The following ZNF48 variants were observed in gnomAD, a reference collection of about 807,000 sequenced individuals.
ZNF48 encodes zinc finger protein 553.
A neutral mutation model predicts 40.0 loss-of-function variants in ZNF48; 20 were observed. The observed-to-expected ratio is 0.50, with a 90% CI of 0.35 to 0.73. The LOEUF (loss-of-function observed/expected upper bound fraction) is 0.73. Among genes scored for constraint, ZNF48 ranks in the 30% least tolerant of loss-of-function variants. The pLI, the probability that ZNF48 is intolerant of heterozygous loss-of-function variation, is 0.01. For synonymous variants in ZNF48, 298 were observed against 329.7 expected, an observed-to-expected ratio of 0.90 and a Z score of 1.04; for missense variants, 726 against 851.9, an observed-to-expected ratio of 0.85 and a Z score of 1.84.
At chr16:30,393,128 G>A (rs2049954690), upstream of ZNF48, among the ~76,000 whole-genome samples, 2 of 151,826 alleles carry the variant, frequency 1.3e-5, no homozygotes, top group African/African-American at 2.4e-5. Flanking sequence ...CCAGGCTGGA[G>A]TGCAATGGCG....
intron 1 of ZNF48, chr16:30,378,462 G>A (rs2049782562): frequency 1.3e-6 from 2 of 1,576,100 alleles, no homozygotes; most frequent in Non-Finnish European, 1.7e-6. Context: ...CTCGCCCTGG[G>A]CCTGGCTCTG....
Position 30,395,858 on chromosome 16 carries a change from A to G in ZNF48, c.64A>G (p.Arg22Gly). The change falls in exon 2 of 3, where the codon AGA (arginine) becomes GGA (glycine). Residue 22 changes from arginine (R) to glycine (G), a missense_variant. By Grantham distance (125) the Arg-to-Gly change is moderately radical. Coordinates refer to ENST00000613509, the MANE Select transcript of ZNF48 (RefSeq NM_001214909.2). The surrounding 1 kb of genome is among the most constrained non-coding windows in gnomAD (Gnocchi z 5.9). ...CCGCCCGGAGGAGAGGGAGCCACAGAGAGGCGCCCGCACAGGTGAGGGCCT... is the reference window on the plus strand; with the variant it reads ...CCGCCCGGAGGAGAGGGAGCCACAGGGAGGCGCCCGCACAGGTGAGGGCCT... The part of the protein sequence containing the change: ...LHRPEEREPQ[R>G]GARTGLGSEN... 6.5e-7 allele frequency: 1 copy of G among 1,543,882 alleles called. No individual in the cohort carries two copies. The highest frequency in any genetic ancestry group is 8.7e-7 in the Non-Finnish European group (1 of 1,149,536).
At chr16:30,389,816 GTTTTTTTTTTTTTTTTTTTTT>G (rs56373430) in intron 1 of ZNF48, among the ~76,000 whole-genome samples, 19 of 22,502 alleles carry the variant, frequency 8.4e-4, no homozygotes, top group East Asian at 2.5e-3. Flanking sequence ...ATTTGGATTA[GTTTTTTTTTTTTTTTTTTTTT>G]TTTTTTTTTT....
chr16:30,381,464 C>T lies in ZNF48; in HGVS notation c.-16+3054C>T, dbSNP rs371180473. The T allele has an allele frequency of 6.8e-6, 11 of 1,613,998 alleles. No homozygotes were observed. Among genetic ancestry groups the T allele is most frequent in the East Asian group, 2.2e-5 (1 of 44,882 alleles). On this transcript the variant is annotated intron_variant, in intron 1 of 2. Coordinates refer to the ZNF48 transcript ENST00000528032. The surrounding 1 kb of genome is among the most constrained non-coding windows in gnomAD (Gnocchi z 4.3). The stretch of plus-strand genomic sequence containing the variant: ...ATTGCTCCTCGATGAATTTCACCAC[C>T]GGAAGCCAGCTGGGTGTGGGGAGAG...
intron 1 of ZNF48, chr16:30,380,052 A>G (rs538144519): frequency 1.3e-6 from 2 of 1,598,810 alleles, no homozygotes; most frequent in East Asian, 4.5e-5. Flanking sequence ...AAACAGATAT[A>G]GAGACAGTGT....
rs2049841362 is a variant in ZNF48 at position 30,381,136 on chromosome 16, G to C, written c.-16+2726G>C. 1 of 1,613,424 alleles carries C rather than the reference G, an allele frequency of 6.2e-7. No individual in the cohort carries two copies. Among genetic ancestry groups the C allele is most frequent in the African/African-American group, 1.3e-5 (1 of 75,012 alleles). On this transcript the variant is annotated intron_variant, in intron 1 of 2. Transcript: ENST00000528032. The surrounding 1 kb of genome is among the most constrained non-coding windows in gnomAD (Gnocchi z 4.3). ...AGGTCATCACTCACACCTTCTGCTT[G>C]AGGGCCTGGGTTTCCTGGGGCATCA...
Position 30,382,328 on chromosome 16 carries a change from TG to T in ZNF48, c.-16+3920del. Reference sequence around the variant, plus strand: ...CTTCTTGACAGACTTGCGGTGCAGCTGGTTGGGGAGGGCAGCAAAACCCACG... The same window carrying T: ...CTTCTTGACAGACTTGCGGTGCAGCTGTTGGGGAGGGCAGCAAAACCCACG... On this transcript the variant is annotated intron_variant, in intron 1 of 2. Coordinates refer to the ZNF48 transcript ENST00000528032. The surrounding 1 kb of genome is among the most constrained non-coding windows in gnomAD (Gnocchi z 4.8). 1.2e-6 allele frequency: 2 copies of T among 1,613,720 alleles called. No individual in the cohort carries two copies. The highest frequency in any genetic ancestry group is 2.2e-5 in the South Asian group (2 of 91,050).
At chr16:30,385,428 C>T (rs1408105276) in intron 1 of ZNF48, among the ~76,000 whole-genome samples, 1 of 151,154 alleles carries the variant, frequency 6.6e-6, no homozygotes, top group African/African-American at 2.4e-5. Flanking sequence ...AGATCGAGAC[C>T]ATCCTGGCCA....
At chr16:30,383,817 T>C (rs2049878416) in intron 1 of ZNF48, among the ~76,000 whole-genome samples, 1 of 152,234 alleles carries the variant, frequency 6.6e-6, no homozygotes, top group Non-Finnish European at 1.5e-5. Flanking sequence ...TTCCTTTTTC[T>C]GAATCAGTTA....
In ZNF48 at chr16:30,398,575, C is replaced by T; in HGVS notation, c.1325C>T (p.Pro442Leu). The T allele has an allele frequency of 6.2e-7, 1 of 1,612,060 alleles. No homozygotes were observed. Among genetic ancestry groups the T allele is most frequent in the African/African-American group, 1.3e-5 (1 of 75,030 alleles). The change falls in exon 3 of 3, where the codon CCC (proline) becomes CTC (leucine). Residue 442 changes from proline to leucine, a missense_variant. By Grantham distance (98) the Pro-to-Leu change is moderately conservative. Around this residue, in one of 5 missense-constraint regions of ZNF48, gnomAD observed 378 missense variants for 449.1 expected, o/e 0.84. Transcript: ENST00000613509. This position sits in a 1 kb window ranked among gnomAD's most constrained non-coding sequence, Gnocchi z 6.6. Reference protein sequence around the residue: ...EPGGPQAGEPPPPLAGDKPHK... With the variant: ...EPGGPQAGEPLPPLAGDKPHK... ...GGGGGCCCACAGGCTGGGGAGCCAC[C>T]CCCACCACTGGCGGGCGACAAGCCC...
chr16:30,381,108 CAG>C lies in ZNF48; in HGVS notation c.-16+2701_-16+2702del. 1 of 1,584,294 alleles carries C rather than the reference CAG, an allele frequency of 6.3e-7. No homozygotes were observed. Among genetic ancestry groups the C allele is most frequent in the Non-Finnish European group, 8.7e-7 (1 of 1,152,814 alleles). ...TTTGGCTTCACATGGGGTCAAAGGT[CAG>C]AGGTCATCACTCACACCTTCTGCTT... On this transcript the variant is annotated intron_variant, in intron 1 of 2. Transcript: ENST00000528032. The surrounding 1 kb of genome is among the most constrained non-coding windows in gnomAD (Gnocchi z 4.3).
chr16:30,379,116 G>A (rs998836557), intron 1 of ZNF48: 5 of 1,614,136 alleles, frequency 3.1e-6, no homozygotes, highest in Non-Finnish European at 4.2e-6. Flanking sequence ...CCTCTTTCAG[G>A]TCCTGCAGGT....
Position 30,382,607 on chromosome 16 carries a change from GGGGC to G in ZNF48, c.-16+4202_-16+4205del. The G allele has an allele frequency of 6.4e-7, 1 of 1,553,598 alleles. No homozygotes were observed. The highest frequency in any genetic ancestry group is 8.7e-7 in the Non-Finnish European group (1 of 1,149,030). ...CAGGAAGCTGAGTGCGGCTAACAAG[GGGGC>G]GGGCAGAAGAGGCAGCTGAGATGCT... On this transcript the variant is annotated intron_variant, in intron 1 of 2. Coordinates refer to the ZNF48 transcript ENST00000528032. This position sits in a 1 kb window ranked among gnomAD's most constrained non-coding sequence, Gnocchi z 4.8.
In ZNF48 at chr16:30,382,488, G is replaced by A. The variant is rs376709927; in HGVS notation, c.-16+4078G>A. On this transcript the variant is annotated intron_variant, in intron 1 of 2. Coordinates refer to the ZNF48 transcript ENST00000528032. The surrounding 1 kb of genome is among the most constrained non-coding windows in gnomAD (Gnocchi z 4.8). ...GGGGACCCCAGGCATGGGGGCTGGG[G>A]GCCGAGATGCCCAGGTTTCTGGGTG... 2 of 1,595,474 alleles carry A rather than the reference G, an allele frequency of 1.3e-6. No individual in the cohort carries two copies. The highest frequency in any genetic ancestry group is 1.3e-5 in the African/African-American group (1 of 74,722).
intron 1 of ZNF48, chr16:30,379,306 C>T: frequency 6.9e-7 from 1 of 1,449,476 alleles, no homozygotes; most frequent in South Asian, 1.2e-5. Flanking sequence ...GTCTGCAGCC[C>T]AGCGACCCCC....
In ZNF48 at chr16:30,398,537, G is replaced by A. The variant is rs754671766; in HGVS notation, c.1287G>A (p.Leu429=). 1 of 1,606,464 alleles carries A rather than the reference G, an allele frequency of 6.2e-7. No individual in the cohort carries two copies. Among genetic ancestry groups the A allele is most frequent in the Admixed American group, 1.7e-5 (1 of 59,418 alleles). ...HSGEPFGLPG[L]EPEPGGPQAG... ...GTGAGCCTTTTGGCCTGCCTGGCTT[G>A]GAGCCAGAGCCTGGGGGCCCACAGG... The change falls in exon 3 of 3, where the codon TTG becomes TTA. Residue 429 remains leucine, a synonymous_variant. Transcript: ENST00000613509. The surrounding 1 kb of genome is among the most constrained non-coding windows in gnomAD (Gnocchi z 6.6).
exon 1 of ZNF48, chr16:30,378,402 G>T: frequency 6.5e-7 from 1 of 1,533,058 alleles, no homozygotes; most frequent in Non-Finnish European, 8.7e-7. Context: ...GACTGAAGGC[G>T]GAGCCGAGGT....
At position 30,397,141 on chromosome 16, in the gene ZNF48, A is replaced by G. The variant is rs2049992244; in HGVS notation, c.80-189A>G. ...ATGCTGAGTTTGGTGAATGACATAC[A>G]TTAAGGGCACAGTAAAAAGAAGTTT... On this transcript the variant is annotated intron_variant, in intron 2 of 2. Transcript: ENST00000613509. This position sits in a 1 kb window ranked among gnomAD's most constrained non-coding sequence, Gnocchi z 4.1. Among the ~76,000 whole-genome samples the G allele has an allele frequency of 6.6e-6, 1 of 152,164 alleles. No individual in the cohort carries two copies. Among genetic ancestry groups the G allele is most frequent in the South Asian group, 2.1e-4 (1 of 4,838 alleles).
chr16:30,397,533 C>A lies in ZNF48; in HGVS notation c.283C>A (p.Pro95Thr). 1 of 1,614,074 alleles carries A rather than the reference C, an allele frequency of 6.2e-7. No homozygotes were observed. Among genetic ancestry groups the A allele is most frequent in the Non-Finnish European group, 8.5e-7 (1 of 1,180,004 alleles). ...LGKPQPRDRG[P>T]RLLGEPRWGQ... ...AAAGCCTCAGCCTCGGGACAGAGGC[C>A]CCCGGCTCCTGGGTGAACCACGCTG... Residue 95 changes from proline to threonine, a missense_variant, in exon 3 of 3, where the codon CCC (proline) becomes ACC (threonine). Physicochemically the swap from Pro to Thr is conservative, Grantham distance 38. This residue lies in a region of ZNF48 where 151 missense variants were observed against 162.3 expected (regional missense o/e 0.93). Coordinates refer to ENST00000613509, the MANE Select transcript of ZNF48 (RefSeq NM_001214909.2). The surrounding 1 kb of genome is among the most constrained non-coding windows in gnomAD (Gnocchi z 4.1).
Sources: allele counts gnomAD v4.1 joint callset (sites outside exome capture counted in the v4.1 genomes callset), GRCh38; gene constraint gnomAD v4.1.1; regional missense constraint gnomAD v4.1.1; non-coding constraint Gnocchi (gnomAD v3.1); transcripts MANE v1.5; gene names NCBI Gene and HGNC (gene_info 2026-07-23, HGNC 2026-07-21).